Variants in FRMD4B observed in about 807,000 individuals in gnomAD.
The protein encoded by FRMD4B is FERM domain-containing protein 4B.
In FRMD4B, 74 loss-of-function variants were observed where a neutral mutation model predicts 141.5. That is an observed-to-expected ratio of 0.52 (90% CI 0.43 to 0.63). FRMD4B has a LOEUF of 0.63. Among genes scored for constraint, FRMD4B ranks in the 30% least tolerant of loss-of-function variants. FRMD4B has a pLI of 0.00. For missense variants in FRMD4B, 1,366 were observed against 1,253.4 expected (o/e 1.09, Z -1.36); for synonymous variants, 506 against 467.9 (o/e 1.08, Z -1.05).
intron 2 of FRMD4B, among the ~76,000 whole-genome samples, chr3:69,409,732 G>A (rs1704722118): frequency 6.6e-6 from 1 of 152,032 alleles, no homozygotes; most frequent in Non-Finnish European, 1.5e-5. Flanking sequence ...TAGGATAAAG[G>A]TACCCTCTCT....
At position 69,422,393 on chromosome 3, in the gene FRMD4B, A is replaced by G. The variant is rs551183827; in HGVS notation, c.-1+10241T>C. On this transcript the variant is annotated intron_variant, in intron 2 of 5. Transcript: ENST00000459638. Reference sequence around the variant, plus strand: ...CAGAGCGAGACTCTGAAAAAAAAAAAAAAAGAAGAGAAAAGGAGAGGGGGC... The same window carrying G: ...CAGAGCGAGACTCTGAAAAAAAAAAGAAAAGAAGAGAAAAGGAGAGGGGGC... 3.5e-3 allele frequency among the ~76,000 whole-genome samples: 528 copies of G among 151,936 alleles called. 6 individuals carry two copies. The highest frequency in any genetic ancestry group is 0.012 in the African/African-American group (512 of 41,448).
intron 17 of FRMD4B, 56 bp downstream of exon 17, chr3:69,193,592 A>G (rs986717446): frequency 1.4e-5 from 13 of 918,202 alleles, no homozygotes; most frequent in Middle Eastern, 4.4e-4. Context: ...GAAATGCTAT[A>G]TACCATGAAG....
At chr3:69,493,656 G>A (rs764006502) in intron 1 of FRMD4B, among the ~76,000 whole-genome samples, 2 of 151,868 alleles carry the variant, frequency 1.3e-5, no homozygotes, top group Non-Finnish European at 2.9e-5. Flanking sequence ...GTAATGAATT[G>A]GCCTCTTGAT....
At chr3:69,393,428 C>T (rs951342973) in intron 2 of FRMD4B, among the ~76,000 whole-genome samples, 1 of 151,474 alleles carries the variant, frequency 6.6e-6, no homozygotes, top group Non-Finnish European at 1.5e-5. Flanking sequence ...CCTGCCAGAT[C>T]AAATTTTAGA....
chr3:69,198,972 CTA>C lies in FRMD4B; in HGVS notation c.877-200_877-199del. 5.3e-6 allele frequency: 3 copies of C among 566,988 alleles called. No individual in the cohort carries two copies. In the South Asian group the frequency reaches 6.5e-5, roughly 12 times the overall value. The allele number at this position is 566,988 out of a possible 1,614,324, so 35.1% of individuals were successfully genotyped here. A position where few individuals can be genotyped will look rare whatever the true frequency, so the allele number is the denominator to read the frequency against. ...TCCTTCTTCTGGCAGCAATCTTTAA[CTA>C]TTAAGATTCACCTCGGCCGGGCGCG... is the stretch of plus-strand genomic sequence containing the variant. On this transcript the variant is annotated intron_variant, in intron 11 of 22. Coordinates refer to ENST00000398540, the MANE Select transcript of FRMD4B (RefSeq NM_015123.3).
intron 1 of FRMD4B, among the ~76,000 whole-genome samples, chr3:69,333,518 T>C (rs1215135160): frequency 6.6e-6 from 1 of 152,222 alleles, no homozygotes; most frequent in Non-Finnish European, 1.5e-5. Context: ...AATGTCTCTG[T>C]GTGACAGCCA....
At chr3:69,474,954 C>T (rs562046843) in intron 1 of FRMD4B, among the ~76,000 whole-genome samples, 3 of 152,244 alleles carry the variant, frequency 2.0e-5, no homozygotes, top group East Asian at 3.9e-4. Context: ...TGGGAAGAAG[C>T]GGCTTTCAAG....
rs1423600829 is a variant in FRMD4B at position 69,218,336 on chromosome 3, A to G, written c.775T>C (p.Tyr259His). The part of the protein sequence containing the change: ...VEALPTYGVH[Y>H]YAVKDKQGLP... ...AAATTACTTACCTTTACTGCATAATAATGGACACCGTAAGTCGGTAGAGCT... is the reference window on the plus strand; with the variant it reads ...AAATTACTTACCTTTACTGCATAATGATGGACACCGTAAGTCGGTAGAGCT... The change falls in exon 10 of 23, where the codon TAT becomes CAT. Residue 259 changes from tyrosine (Y) to histidine (H), a missense_variant. Transcript: ENST00000398540. 4.0e-6 allele frequency: 6 copies of G among 1,506,316 alleles called. No individual in the cohort carries two copies. The highest frequency in any genetic ancestry group is 4.6e-6 in the Non-Finnish European group (5 of 1,086,626). The allele number at this position is 1,506,316 out of a possible 1,614,324, so 93.3% of individuals were successfully genotyped here.
intron 4 of FRMD4B, among the ~76,000 whole-genome samples, chr3:69,300,903 T>G (rs1277162494): frequency 6.6e-6 from 1 of 152,058 alleles, no homozygotes; most frequent in African/African-American, 2.4e-5. Context: ...GCCTGGCTAA[T>G]TTTTGTATTT....
chr3:69,349,671 A>C (rs1202314066), intron 1 of FRMD4B, among the ~76,000 whole-genome samples: 1 of 152,198 alleles, frequency 6.6e-6, no homozygotes, highest in Non-Finnish European at 1.5e-5. Context: ...ATAATATCAC[A>C]CATCTACAAC....
At chr3:69,466,626 AT>A (rs1189555328) in intron 1 of FRMD4B, among the ~76,000 whole-genome samples, 5 of 152,210 alleles carry the variant, frequency 3.3e-5, no homozygotes, top group African/African-American at 1.2e-4. Flanking sequence ...ATAATCATAC[AT>A]TTTGCCTTTG....
chr3:69,496,612 TGA>T (rs142597397), intron 1 of FRMD4B, among the ~76,000 whole-genome samples: 3,546 of 87,476 alleles, frequency 0.041, 233 homozygotes, highest in East Asian at 0.056. Context: ...AGAGAGAGAG[TGA>T]GAGAGAGAGA....
intron 1 of FRMD4B, among the ~76,000 whole-genome samples, chr3:69,539,541 C>G (rs1364674944): frequency 1.3e-5 from 2 of 152,240 alleles, no homozygotes; most frequent in East Asian, 1.9e-4. Flanking sequence ...AAAACAGGAT[C>G]GTGATCACCA....
chr3:69,228,706 C>T (rs541520249), intron 7 of FRMD4B: 1 of 320,054 alleles, frequency 3.1e-6, no homozygotes, highest in East Asian at 7.6e-5. Flanking sequence ...GGTGTCATGG[C>T]ATGTGCCTGT....
At chr3:69,267,715 C>T (rs1166106982) in intron 5 of FRMD4B, among the ~76,000 whole-genome samples, 1 of 148,304 alleles carries the variant, frequency 6.7e-6, no homozygotes, top group African/African-American at 2.5e-5. Flanking sequence ...CCCAGTCTAT[C>T]TCTGCCTCCC....
chr3:69,323,608 G>GTATATATATATATATATATATA (rs55847019), intron 1 of FRMD4B, among the ~76,000 whole-genome samples: 1 of 101,672 alleles, frequency 9.8e-6, no homozygotes, highest in Non-Finnish European at 1.9e-5. Flanking sequence ...CTCTCTCTGT[G>GTATATATATATATATATATATA]TATATATATA....
intron 5 of FRMD4B, among the ~76,000 whole-genome samples, chr3:69,264,007 G>C (rs939183787): frequency 7.3e-5 from 11 of 151,382 alleles, no homozygotes; most frequent in African/African-American, 2.7e-4. Context: ...TGTATTTTTA[G>C]AGACTGGGTT....
chr3:69,208,719 T>C (rs1434829775), intron 11 of FRMD4B, among the ~76,000 whole-genome samples: 1 of 152,174 alleles, frequency 6.6e-6, no homozygotes, highest in Non-Finnish European at 1.5e-5. Flanking sequence ...AATTACAAAT[T>C]TATGTCTTTA....
At chr3:69,317,362 T>C (rs908087840) in intron 1 of FRMD4B, among the ~76,000 whole-genome samples, 1 of 152,118 alleles carries the variant, frequency 6.6e-6, no homozygotes, top group African/African-American at 2.4e-5. Context: ...TCTGAGAGGA[T>C]AAAAACTTGG....
Sources: gnomAD v4.1 joint callset for allele counts (sites outside exome capture counted in the v4.1 genomes callset) on GRCh38, gnomAD v4.1.1 for gene constraint, MANE v1.5 for transcripts, NCBI Gene and HGNC (gene_info 2026-07-23, HGNC 2026-07-21) for gene names.